Variants in RORB observed in about 807,000 individuals in gnomAD.
RORB encodes the protein RAR related orphan receptor B, also known as nuclear receptor ROR-beta.
Under a neutral mutation model 59.1 loss-of-function variants are expected in RORB, and 6 were observed. That is an observed-to-expected ratio of 0.10 (90% CI 0.06 to 0.20). The LOEUF (loss-of-function observed/expected upper bound fraction) is 0.20. Ranked by LOEUF, RORB falls within the 10% of genes least tolerant of loss-of-function variation. The pLI is 1.00. For missense variants in RORB, 320 were observed against 560.5 expected (o/e 0.57, Z 4.33); for synonymous variants, 215 against 204.5 (o/e 1.05, Z -0.44).
chr9:74,611,139 A>C lies in RORB; in HGVS notation c.8-19143A>C, dbSNP rs1442939208. ...CACTACGTTAGTGTGAAAAGTGCAT[A>C]ATAGCTGCTGCCTACTGTGAGATGG... On this transcript the variant is annotated intron_variant, in intron 1 of 9. Coordinates refer to ENST00000376896, the MANE Select transcript of RORB (RefSeq NM_006914.4). Among the ~76,000 whole-genome samples the C allele has an allele frequency of 3.9e-5, 6 of 152,102 alleles. No homozygotes were observed. The East Asian group carries it at 1.2e-3, about 29-fold the overall frequency.
At chr9:74,574,522 A>G (rs1822601411) in intron 1 of RORB, among the ~76,000 whole-genome samples, 1 of 152,136 alleles carries the variant, frequency 6.6e-6, no homozygotes. Flanking sequence ...AAAAATAAAT[A>G]AATAAAGCAT....
intron 1 of RORB, among the ~76,000 whole-genome samples, chr9:74,561,075 T>C (rs113623808): frequency 2.8e-4 from 43 of 152,190 alleles, no homozygotes; most frequent in African/African-American, 1.0e-3. Flanking sequence ...CATTCTTCTT[T>C]AAGAGAGTAA....
At chr9:74,627,521 G>T (rs1239074254) in intron 1 of RORB, among the ~76,000 whole-genome samples, 1 of 152,138 alleles carries the variant, frequency 6.6e-6, no homozygotes, top group Non-Finnish European at 1.5e-5. Flanking sequence ...TTCCAAAGTT[G>T]TGTAAGATAA....
At position 74,545,441 on chromosome 9, in the gene RORB, C is replaced by T. The variant is rs180719395; in HGVS notation, c.7+47458C>T. 5.9e-3 allele frequency among the ~76,000 whole-genome samples: 903 copies of T among 152,290 alleles called. 2 individuals are homozygous for T. Among genetic ancestry groups the T allele is most frequent in the Middle Eastern group, 0.01 (3 of 294 alleles). On this transcript the variant is annotated intron_variant, in intron 1 of 9. Coordinates refer to ENST00000376896, the MANE Select transcript of RORB (RefSeq NM_006914.4). ...AGTCATTTATAGTAAATATATCTAACATTATCATTGCTAACTCATTCTCTG... is the reference window on the plus strand; with the variant it reads ...AGTCATTTATAGTAAATATATCTAATATTATCATTGCTAACTCATTCTCTG...
In RORB at chr9:74,667,905, G is replaced by A. The variant is rs747338345; in HGVS notation, c.1111+4G>A. 6.4e-7 allele frequency: 1 copy of A among 1,564,908 alleles called. No individual in the cohort carries two copies. The highest frequency in any genetic ancestry group is 1.1e-5 in the South Asian group (1 of 90,052). The stretch of plus-strand genomic sequence containing the variant: ...TCTGCTGTTCTGATATCTCCAGGTA[G>A]GGCAGTCTCAGTTCTCTTACCTTTT... On this transcript the variant is annotated splice_donor_region_variant and intron_variant, in intron 8 of 9. Coordinates refer to ENST00000376896, the MANE Select transcript of RORB (RefSeq NM_006914.4).
rs2273975 is a variant in RORB, at chr9:74,642,430, G to A, written c.252G>A (p.Arg84=). Residue 84 remains arginine (R), a synonymous_variant, in exon 4 of 10, where the codon AGG becomes AGA. Coordinates refer to ENST00000376896, the MANE Select transcript of RORB (RefSeq NM_006914.4). ...CCAACCCAGCTGTGAAGTTTGGGAG[G>A]ATGTCCAAGAAGCAAAGGGACAGCC... is the stretch of plus-strand genomic sequence containing the variant. ...GMSRDAVKFG[R]MSKKQRDSLY... is the part of the protein sequence containing the mutation. 263,706 of 1,609,456 alleles carry A rather than the reference G, an allele frequency of 0.16. 22,973 individuals carry two copies. The highest frequency in any genetic ancestry group is 0.25 in the Middle Eastern group (1,483 of 6,020).
chr9:74,652,835 C>T (rs1476258885), intron 4 of RORB, among the ~76,000 whole-genome samples: 1 of 151,932 alleles, frequency 6.6e-6, no homozygotes, highest in Non-Finnish European at 1.5e-5. Context: ...TTATTGATGC[C>T]CCCAATTTCT....
At chr9:74,596,059 A>G (rs1015276295) in intron 1 of RORB, among the ~76,000 whole-genome samples, 3 of 152,194 alleles carry the variant, frequency 2.0e-5, no homozygotes, top group Non-Finnish European at 4.4e-5. Flanking sequence ...CAAAAAATGC[A>G]AGTCACTTTT....
intron 1 of RORB, among the ~76,000 whole-genome samples, chr9:74,555,224 G>A (rs1337440597): frequency 1.3e-5 from 2 of 152,144 alleles, no homozygotes; most frequent in African/African-American, 4.8e-5. Flanking sequence ...CAGACGCAGG[G>A]CACTGTGTTG....
intron 1 of RORB, among the ~76,000 whole-genome samples, chr9:74,502,666 G>T (rs1427288391): frequency 6.6e-6 from 1 of 152,012 alleles, no homozygotes; most frequent in Non-Finnish European, 1.5e-5. Context: ...GGTCTGCTGG[G>T]ATTCTGCAAA....
At chr9:74,634,595 A>G (rs1265168749) in intron 2 of RORB, 36 bp from the exon 3 acceptor site, 1 of 1,558,206 alleles carries the variant, frequency 6.4e-7, no homozygotes, top group Non-Finnish European at 8.7e-7. Context: ...CCCTTCTTAT[A>G]AATCTGTTTC....
At chr9:74,647,008 T>C (rs532108708) in intron 4 of RORB, among the ~76,000 whole-genome samples, 2 of 152,164 alleles carry the variant, frequency 1.3e-5, no homozygotes, top group East Asian at 3.9e-4. Flanking sequence ...CAGAAAACCA[T>C]GAAACATTTC....
intron 1 of RORB, among the ~76,000 whole-genome samples, chr9:74,517,803 C>G (rs774196990): frequency 6.6e-6 from 1 of 151,946 alleles, no homozygotes; most frequent in African/African-American, 2.4e-5. Flanking sequence ...GGTTCACATT[C>G]CCTGGCATTA....
At chr9:74,656,390 T>C (rs1824081589) in intron 4 of RORB, among the ~76,000 whole-genome samples, 1 of 152,338 alleles carries the variant, frequency 6.6e-6, no homozygotes, top group South Asian at 2.1e-4. Flanking sequence ...ATTAATTTCA[T>C]GTACTCACTA....
At chr9:74,636,981 T>C (rs1160850329) in intron 3 of RORB, among the ~76,000 whole-genome samples, 1 of 152,200 alleles carries the variant, frequency 6.6e-6, no homozygotes, top group Non-Finnish European at 1.5e-5. Context: ...GCCTAGTATG[T>C]AGTATTGAAT....
chr9:74,670,071 C>CTT (rs879518494), intron 8 of RORB, among the ~76,000 whole-genome samples: 1 of 145,858 alleles, frequency 6.9e-6, no homozygotes, highest in Non-Finnish European at 1.5e-5. Context: ...TCCTCTAGGC[C>CTT]TTTTTTTTTT....
At chr9:74,571,413 A>AG (rs1219682494) in intron 1 of RORB, among the ~76,000 whole-genome samples, 5 of 151,922 alleles carry the variant, frequency 3.3e-5, no homozygotes, top group Non-Finnish European at 7.4e-5. Flanking sequence ...AAAAAAAAAA[A>AG]AAAACACAGT....
intron 1 of RORB, among the ~76,000 whole-genome samples, chr9:74,518,154 AC>A (rs1826035041): frequency 6.6e-6 from 1 of 151,994 alleles, no homozygotes; most frequent in Admixed American, 6.6e-5. Flanking sequence ...TCTGGGGTAC[AC>A]CTCCCTTACT....
intron 1 of RORB, among the ~76,000 whole-genome samples, chr9:74,601,507 T>C (rs1823056612): frequency 6.6e-6 from 1 of 152,038 alleles, no homozygotes; most frequent in South Asian, 2.1e-4. Flanking sequence ...CAGAGATATT[T>C]TATGCATAAA....
Sources: gnomAD v4.1 joint callset for allele counts (sites outside exome capture counted in the v4.1 genomes callset) on GRCh38, gnomAD v4.1.1 for gene constraint, MANE v1.5 for transcripts, NCBI Gene and HGNC (gene_info 2026-07-23, HGNC 2026-07-21) for gene names.